The following ERI3 variants were observed in gnomAD, a reference collection of about 807,000 sequenced individuals.
The protein encoded by ERI3 is ERI1 exoribonuclease 3.
A neutral mutation model predicts 44.4 loss-of-function variants in ERI3; 18 were observed. The observed-to-expected ratio is 0.41, with a 90% CI of 0.28 to 0.60. ERI3 has a LOEUF of 0.60. Among genes scored for constraint, ERI3 ranks in the 20% least tolerant of loss-of-function variants. The pLI is 0.36. For synonymous variants in ERI3, 183 were observed against 164.8 expected (o/e 1.11, Z -0.84); for missense variants, 294 against 435.5 (o/e 0.68, Z 2.89).
Position 44,252,385 on chromosome 1 carries a change from C to G in ERI3, c.832-4347G>C, listed in dbSNP as rs1315747916. Among the ~76,000 whole-genome samples, 1 of 152,240 alleles carries G rather than the reference C, an allele frequency of 6.6e-6. No individual in the cohort carries two copies. Among genetic ancestry groups the G allele is most frequent in the Non-Finnish European group, 1.5e-5 (1 of 68,044 alleles). ...CCCGCCTTGGCTGCTGCCCCATTAGCTTAGTGGCCAGCCATCTGCGACGGG... is the reference window on the plus strand; with the variant it reads ...CCCGCCTTGGCTGCTGCCCCATTAGGTTAGTGGCCAGCCATCTGCGACGGG... On this transcript the variant is annotated intron_variant, in intron 7 of 8. Coordinates refer to ENST00000372257, the MANE Select transcript of ERI3 (RefSeq NM_024066.3). This position sits in a 1 kb window ranked among gnomAD's most constrained non-coding sequence, Gnocchi z 4.7.
At chr1:44,271,487 T>TA (rs1165781332) in intron 7 of ERI3, among the ~76,000 whole-genome samples, 2 of 152,152 alleles carry the variant, frequency 1.3e-5, no homozygotes, top group Admixed American at 1.3e-4. Flanking sequence ...AGCAACAAAG[T>TA]AAAGCAGTTA....
intron 8 of ERI3, among the ~76,000 whole-genome samples, chr1:44,223,615 T>TA (rs1207722226): frequency 6.6e-6 from 1 of 152,102 alleles, no homozygotes; most frequent in Admixed American, 6.5e-5. Flanking sequence ...AAAAGAAAAT[T>TA]AGTTTTCTAT....
At chr1:44,234,854 T>C (rs946725220) in intron 8 of ERI3, among the ~76,000 whole-genome samples, 1 of 151,938 alleles carries the variant, frequency 6.6e-6, no homozygotes, top group African/African-American at 2.4e-5. Context: ...CCGATTCCCG[T>C]GCCTCAGCCT....
chr1:44,233,801 T>A (rs1312699139), intron 8 of ERI3, among the ~76,000 whole-genome samples: 1 of 152,202 alleles, frequency 6.6e-6, no homozygotes, highest in African/African-American at 2.4e-5. Context: ...CATTGGCTAG[T>A]ACCCAATCTC....
intron 7 of ERI3, 48 bp from the exon 8 acceptor site, chr1:44,248,086 C>A (rs1290540318): frequency 7.3e-7 from 1 of 1,373,892 alleles, no homozygotes; most frequent in South Asian, 1.3e-5. Flanking sequence ...ACCCTCTGAA[C>A]CAACCCCACT....
In ERI3 at chr1:44,354,327, C is replaced by G. The variant is rs1222562606; in HGVS notation, c.135+565G>C. 5.1e-6 allele frequency: 5 copies of G among 985,306 alleles called. No individual in the cohort carries two copies. The Admixed American group carries it at 2.5e-4, about 48-fold the overall frequency. The allele number at this position is 985,306 out of a possible 1,614,324, so 61.0% of individuals were successfully genotyped here. A position where few individuals can be genotyped will look rare whatever the true frequency, so the allele number is the denominator to read the frequency against. ...CAAAATCCAGCTCTAAGGACAAAATCCAAACCCCCATTGAGGGGCCCCACA... is the reference window on the plus strand; with the variant it reads ...CAAAATCCAGCTCTAAGGACAAAATGCAAACCCCCATTGAGGGGCCCCACA... On this transcript the variant is annotated intron_variant, in intron 1 of 8. Coordinates refer to ENST00000372257, the MANE Select transcript of ERI3 (RefSeq NM_024066.3).
chr1:44,290,025 C>T (rs1227010102), intron 6 of ERI3, among the ~76,000 whole-genome samples: 1 of 152,226 alleles, frequency 6.6e-6, no homozygotes, highest in East Asian at 1.9e-4. Flanking sequence ...AGACCCAACT[C>T]AGGGAGATGC....
rs1461962887 is a variant in ERI3, at chr1:44,308,336, G to T, written c.732C>A (p.Thr244=). ...TGACTTTTAAGTCCCAGTCTCCACA[G>T]GTGACAAAAATTGACTTGACGTTTG... The part of the protein sequence containing the change: ...LDPNVKSIFV[T]CGDWDLKVML... Residue 244 remains threonine, a synonymous_variant, in exon 6 of 9, where the codon ACC becomes ACA. Transcript: ENST00000372257. 1 of 1,614,126 alleles carries T rather than the reference G, an allele frequency of 6.2e-7. No homozygotes were observed. The highest frequency in any genetic ancestry group is 1.1e-5 in the South Asian group (1 of 91,086).
rs1175180777 is a variant in ERI3 at position 44,342,822 on chromosome 1, T to TATATATATATAA, written c.212-3501_212-3500insTTATATATATAT. Among the ~76,000 whole-genome samples the TATATATATATAA allele has an allele frequency of 5.7e-3, 74 of 12,954 alleles. 2 individuals are homozygous for TATATATATATAA. Among genetic ancestry groups the TATATATATATAA allele is most frequent in the South Asian group, 0.025 (10 of 404 alleles). 8.5% of individuals were successfully genotyped at this position (12,954 alleles called of 152,430 possible). On this transcript the variant is annotated intron_variant, in intron 2 of 8. Transcript: ENST00000372257. ...CCACCACATCCAGCTAATATATATA[T>TATATATATATAA]ATATATATATATATATATATATATA...
At chr1:44,333,344 G>C (rs1028939615) in intron 3 of ERI3, among the ~76,000 whole-genome samples, 25 of 152,162 alleles carry the variant, frequency 1.6e-4, no homozygotes, top group African/African-American at 4.6e-4. Context: ...TGTCTGTACA[G>C]AAAAAAGTAC....
intron 2 of ERI3, among the ~76,000 whole-genome samples, chr1:44,345,838 G>A (rs1353380016): frequency 1.3e-5 from 2 of 152,204 alleles, no homozygotes; most frequent in African/African-American, 4.8e-5. Context: ...ATTAGAAAGA[G>A]AAAAGGACTG....
chr1:44,342,815 ATATAT>A (rs1646684150), intron 2 of ERI3, among the ~76,000 whole-genome samples: 1 of 9,072 alleles, frequency 1.1e-4, no homozygotes, highest in African/African-American at 3.2e-4. Flanking sequence ...TCCAGCTAAT[ATATAT>A]ATATATATAT....
At chr1:44,296,333 A>C (rs1247262362) in intron 6 of ERI3, among the ~76,000 whole-genome samples, 1 of 152,042 alleles carries the variant, frequency 6.6e-6, no homozygotes, top group East Asian at 1.9e-4. Context: ...ATTGTATGAG[A>C]GGGGAGGGGG....
At chr1:44,342,844 TATATATATATATA>T (rs1416595037) in intron 2 of ERI3, among the ~76,000 whole-genome samples, 1 of 32,916 alleles carries the variant, frequency 3.0e-5, no homozygotes, top group Non-Finnish European at 5.5e-5. Flanking sequence ...TATATATATA[TATATATATATATA>T]TTTTTTTTTT....
chr1:44,331,729 A>G (rs1309491224), intron 3 of ERI3, among the ~76,000 whole-genome samples: 1 of 152,212 alleles, frequency 6.6e-6, no homozygotes, highest in Non-Finnish European at 1.5e-5. Context: ...AATCAAGGTC[A>G]GTTTTTCCAG....
rs116683927 is a variant in ERI3, at chr1:44,252,744, A to T, written c.832-4706T>A. Among the ~76,000 whole-genome samples the T allele has an allele frequency of 0.013, 2,023 of 152,286 alleles. 30 individuals carry two copies. The highest frequency in any genetic ancestry group is 0.017 in the Non-Finnish European group (1,168 of 68,018). The stretch of plus-strand genomic sequence containing the variant: ...GAGGAAAGAGGCCTCAGCAGCTGCT[A>T]TGGTATCTCTGCCCACCCATATACT... On this transcript the variant is annotated intron_variant, in intron 7 of 8. Transcript: ENST00000372257. The surrounding 1 kb of genome is among the most constrained non-coding windows in gnomAD (Gnocchi z 4.7).
intron 2 of ERI3, among the ~76,000 whole-genome samples, chr1:44,346,989 T>C (rs1364627916): frequency 1.3e-5 from 2 of 152,114 alleles, no homozygotes; most frequent in Non-Finnish European, 2.9e-5. Flanking sequence ...TTACATATTT[T>C]ATTTAATCCT....
intron 6 of ERI3, among the ~76,000 whole-genome samples, chr1:44,306,037 G>A (rs1273185628): frequency 1.3e-5 from 2 of 152,192 alleles, no homozygotes; most frequent in South Asian, 2.1e-4. Flanking sequence ...TTAGCTGTGC[G>A]CTGTCACGCA....
intron 7 of ERI3, chr1:44,284,053 G>A (rs754690629): frequency 2.1e-6 from 1 of 471,046 alleles, no homozygotes; most frequent in Non-Finnish European, 4.4e-6. Flanking sequence ...TCCTGAGGCT[G>A]TTCCAGGACT....
Sources: gnomAD v4.1 joint callset for allele counts (sites outside exome capture counted in the v4.1 genomes callset) on GRCh38, gnomAD v4.1.1 for gene constraint, Gnocchi (gnomAD v3.1) non-coding constraint, MANE v1.5 for transcripts, NCBI Gene and HGNC (gene_info 2026-07-23, HGNC 2026-07-21) for gene names.